The following DLG2 variants were observed in gnomAD, a reference collection of about 807,000 sequenced individuals.
DLG2 encodes the protein disks large homolog 2.
DLG2 carries 45 observed loss-of-function variants against 132.5 expected under a neutral mutation model. The observed-to-expected ratio is 0.34, with a 90% CI of 0.27 to 0.44. The LOEUF (loss-of-function observed/expected upper bound fraction) is 0.44. Ranked by LOEUF, DLG2 falls within the 20% of genes least tolerant of loss-of-function variation. The pLI is 1.00. For missense variants in DLG2, 1,045 were observed against 1,196.9 expected (o/e 0.87, Z 1.87); for synonymous variants, 424 against 419.6 (o/e 1.01, Z -0.13).
chr11:84,209,260 G>C (rs1297960861), intron 8 of DLG2, among the ~76,000 whole-genome samples: 1 of 152,102 alleles, frequency 6.6e-6, no homozygotes, highest in Non-Finnish European at 1.5e-5. Context: ...TCTAGATTAG[G>C]CACATTTCAC....
intron 4 of DLG2, among the ~76,000 whole-genome samples, chr11:85,194,010 C>A (rs1190741629): frequency 6.6e-6 from 1 of 152,228 alleles, no homozygotes; most frequent in Non-Finnish European, 1.5e-5. Flanking sequence ...TTAGTGACTA[C>A]TGGCCCCCAG....
chr11:84,273,920 T>C (rs1207325501), intron 7 of DLG2, among the ~76,000 whole-genome samples: 1 of 152,178 alleles, frequency 6.6e-6, no homozygotes, highest in Non-Finnish European at 1.5e-5. Flanking sequence ...GAAGGCATCA[T>C]AAAATGTAAG....
intron 6 of DLG2, among the ~76,000 whole-genome samples, chr11:84,842,000 T>A (rs574736939): frequency 1.6e-4 from 24 of 152,090 alleles, no homozygotes; most frequent in Middle Eastern, 6.8e-3. Context: ...GATTCCTAGA[T>A]CTATGGGCCT....
chr11:83,991,779 G>C (rs188567075), intron 11 of DLG2, among the ~76,000 whole-genome samples: 10 of 152,074 alleles, frequency 6.6e-5, no homozygotes, highest in Admixed American at 1.3e-4. Flanking sequence ...CATGGCATCT[G>C]TTATAGGTTG....
At chr11:83,599,736 C>G (rs1285796090) in intron 19 of DLG2, among the ~76,000 whole-genome samples, 5 of 152,182 alleles carry the variant, frequency 3.3e-5, no homozygotes, top group African/African-American at 1.2e-4. Flanking sequence ...TCTATAATCA[C>G]TGGTTAGTAT....
chr11:85,318,529 T>G (rs1395704313), intron 3 of DLG2, among the ~76,000 whole-genome samples: 1 of 151,892 alleles, frequency 6.6e-6, no homozygotes, highest in Non-Finnish European at 1.5e-5. Context: ...CTCTCATTTT[T>G]CATCATCTTT....
rs958255347 is a variant in DLG2, at chr11:84,821,552, C to T, written c.358-286821G>A. 6.7e-4 allele frequency among the ~76,000 whole-genome samples: 99 copies of T among 147,632 alleles called. 1 individual carries two copies. Among genetic ancestry groups the T allele is most frequent in the African/African-American group, 2.4e-3 (97 of 39,972 alleles). On this transcript the variant is annotated intron_variant, in intron 6 of 27. Transcript: ENST00000376104. ...GAAGTGTAAAGACATGTCTAGCCTA[C>T]AGAGTGTACAAAAACAGGTGGTGGG...
At chr11:84,645,606 T>C (rs1303646460) in intron 6 of DLG2, among the ~76,000 whole-genome samples, 1 of 152,178 alleles carries the variant, frequency 6.6e-6, no homozygotes, top group Non-Finnish European at 1.5e-5. Flanking sequence ...TAGCTGGGAC[T>C]ACAGGCGCCC....
chr11:84,614,646 T>C (rs1046766678), intron 6 of DLG2, among the ~76,000 whole-genome samples: 2 of 152,144 alleles, frequency 1.3e-5, no homozygotes, highest in African/African-American at 2.4e-5. Flanking sequence ...GAATGACAAA[T>C]ATATATACAT....
At chr11:84,564,395 C>T (rs1352825083) in intron 6 of DLG2, among the ~76,000 whole-genome samples, 3 of 152,188 alleles carry the variant, frequency 2.0e-5, no homozygotes, top group East Asian at 3.8e-4. Flanking sequence ...AGACACTACA[C>T]ATATCCCTGA....
chr11:84,334,461 A>T (rs547039260), intron 7 of DLG2, among the ~76,000 whole-genome samples: 2 of 152,188 alleles, frequency 1.3e-5, no homozygotes, highest in African/African-American at 4.8e-5. Context: ...GTGACATATT[A>T]CAAGTTTTCT....
At chr11:84,458,614 T>G (rs1439932500) in intron 7 of DLG2, among the ~76,000 whole-genome samples, 2 of 150,846 alleles carry the variant, frequency 1.3e-5, no homozygotes, top group Non-Finnish European at 3.0e-5. Context: ...CTTTAGAGTT[T>G]AAATATAATA....
chr11:84,008,724 G>A (rs2094709189), intron 11 of DLG2, among the ~76,000 whole-genome samples: 4 of 151,844 alleles, frequency 2.6e-5, no homozygotes, highest in African/African-American at 7.2e-5. Context: ...TGCACATTGG[G>A]TAGAGGCAAA....
chr11:84,435,862 T>G lies in DLG2; in HGVS notation c.519+98708A>C, dbSNP rs912301705. 8.5e-5 allele frequency among the ~76,000 whole-genome samples: 13 copies of G among 152,250 alleles called. No individual in the cohort carries two copies. The East Asian group carries it at 1.5e-3, about 18-fold the overall frequency. On this transcript the variant is annotated intron_variant, in intron 7 of 27. Coordinates refer to ENST00000376104, the MANE Select transcript of DLG2 (RefSeq NM_001142699.3). The stretch of plus-strand genomic sequence containing the variant: ...AATAAGTGCTTCTGGGAGATTCAAC[T>G]TTCTTTGCATACTAATTTGGCATAA...
At chr11:83,849,485 T>A (rs979864806) in intron 16 of DLG2, among the ~76,000 whole-genome samples, 1 of 151,804 alleles carries the variant, frequency 6.6e-6, no homozygotes, top group East Asian at 1.9e-4. Context: ...AAATAAGACA[T>A]AAATATAGAG....
At chr11:83,513,345 C>T (rs915710418) in intron 21 of DLG2, among the ~76,000 whole-genome samples, 1 of 152,164 alleles carries the variant, frequency 6.6e-6, no homozygotes, top group Non-Finnish European at 1.5e-5. Flanking sequence ...AGTGTCTGTT[C>T]ATATCCTTCA....
At chr11:85,233,011 G>T (rs578127635) in intron 4 of DLG2, among the ~76,000 whole-genome samples, 1 of 151,982 alleles carries the variant, frequency 6.6e-6, no homozygotes, top group South Asian at 2.1e-4. Context: ...CTTTCCATGC[G>T]TTATGTTTAA....
At chr11:85,007,362 A>G (rs573366872) in intron 6 of DLG2, among the ~76,000 whole-genome samples, 8 of 152,214 alleles carry the variant, frequency 5.3e-5, no homozygotes, top group Non-Finnish European at 1.0e-4. Context: ...AGTTTTATGG[A>G]TCAGAGTAAG....
chr11:85,366,670 G>C (rs1375947182), intron 3 of DLG2, among the ~76,000 whole-genome samples: 2 of 151,968 alleles, frequency 1.3e-5, no homozygotes, highest in Admixed American at 6.6e-5. Flanking sequence ...AATTTTTGGG[G>C]GGTAGAGGAT....
Sources: allele counts gnomAD v4.1 joint callset (sites outside exome capture counted in the v4.1 genomes callset), GRCh38; gene constraint gnomAD v4.1.1; transcripts MANE v1.5; gene names NCBI Gene and HGNC (gene_info 2026-07-23, HGNC 2026-07-21).